Variants in DISC1 observed in about 807,000 individuals in gnomAD.
DISC1 encodes DISC1 scaffold protein.
In DISC1, 57 loss-of-function variants were observed where a neutral mutation model predicts 84.5. The observed-to-expected ratio is 0.67, with a 90% CI of 0.55 to 0.84. The LOEUF is 0.84. DISC1 is among the 40% of genes least tolerant of loss of function. The pLI is 0.00. For synonymous variants in DISC1, 411 were observed against 415.2 expected (o/e 0.99, Z 0.12); for missense variants, 1,000 against 1,057.8 (o/e 0.95, Z 0.76).
At chr1:231,650,512 A>G (rs1428049354) in intron 1 of DISC1, among the ~76,000 whole-genome samples, 2 of 151,900 alleles carry the variant, frequency 1.3e-5, no homozygotes, top group African/African-American at 4.8e-5. Context: ...CTTCATTTCA[A>G]CCTTGGTGAA....
intron 10 of DISC1, among the ~76,000 whole-genome samples, chr1:232,005,750 T>C (rs1204865792): frequency 2.6e-5 from 4 of 152,284 alleles, no homozygotes; most frequent in African/African-American, 9.6e-5. Flanking sequence ...GACAGAGAAC[T>C]GGAATATATA....
chr1:231,935,326 G>GGGGGCGT (rs1176917834), intron 9 of DISC1, among the ~76,000 whole-genome samples: 1 of 152,144 alleles, frequency 6.6e-6, no homozygotes, highest in Non-Finnish European at 1.5e-5. Flanking sequence ...ATTGGGTGTT[G>GGGGGCGT]GGGGCGTGGG....
At chr1:231,773,353 C>T (rs2076698731) in intron 6 of DISC1, among the ~76,000 whole-genome samples, 1 of 152,064 alleles carries the variant, frequency 6.6e-6, no homozygotes. Context: ...ACTGAGTAAT[C>T]TAGTGCTTTG....
At chr1:232,001,293 G>T (rs112562112) in intron 10 of DISC1, among the ~76,000 whole-genome samples, 55 of 152,162 alleles carry the variant, frequency 3.6e-4, no homozygotes, top group African/African-American at 1.1e-3. Flanking sequence ...TGGTCAGGCT[G>T]GTCTCCAACT....
intron 9 of DISC1, among the ~76,000 whole-genome samples, chr1:231,825,716 T>G (rs1202838535): frequency 6.6e-6 from 1 of 152,134 alleles, no homozygotes; most frequent in Non-Finnish European, 1.5e-5. Flanking sequence ...CCACCCTCAG[T>G]TAACTGCATA....
In DISC1 at chr1:231,723,301, G is replaced by T. The variant is rs1340282407; in HGVS notation, c.1117+21277G>T. The T allele has an allele frequency of 5.1e-6, 5 of 986,152 alleles. No individual in the cohort carries two copies. In the African/African-American group the frequency reaches 8.7e-5, roughly 17 times the overall value. The allele number at this position is 986,152 out of a possible 1,614,324, so 61.1% of individuals were successfully genotyped here. A position where few individuals can be genotyped will look rare whatever the true frequency, so the allele number is the denominator to read the frequency against. On this transcript the variant is annotated intron_variant, in intron 3 of 12. Transcript: ENST00000439617. ...ACATGTTAAAACCCGTGTTGTTCAAGGGTCAACCATAACTGCAGGCAGAAC... is the reference window on the plus strand; with the variant it reads ...ACATGTTAAAACCCGTGTTGTTCAATGGTCAACCATAACTGCAGGCAGAAC...
chr1:231,705,866 G>A (rs1453635067), intron 3 of DISC1, among the ~76,000 whole-genome samples: 5 of 152,176 alleles, frequency 3.3e-5, no homozygotes, highest in South Asian at 2.1e-4. Flanking sequence ...GGGGTCTGCC[G>A]GAATCTGAGA....
intron 11 of DISC1, among the ~76,000 whole-genome samples, chr1:232,022,911 T>G (rs1669100498): frequency 6.6e-6 from 1 of 152,184 alleles, no homozygotes; most frequent in African/African-American, 2.4e-5. Context: ...CTGTAACTTG[T>G]GCCTTGGAAA....
intron 9 of DISC1, among the ~76,000 whole-genome samples, chr1:231,938,910 A>G (rs1239366477): frequency 2.0e-5 from 3 of 152,180 alleles, no homozygotes; most frequent in African/African-American, 7.2e-5. Context: ...TGACAAAACC[A>G]GAAACCTTGA....
intron 5 of DISC1, among the ~76,000 whole-genome samples, chr1:231,769,481 C>T (rs1285703631): frequency 6.6e-6 from 1 of 152,194 alleles, no homozygotes; most frequent in African/African-American, 2.4e-5. Context: ...ACCTTGAGGA[C>T]ATTATGCTAA....
rs180812329 is a variant in DISC1 at position 232,026,397 on chromosome 1, G to A, written c.2308-38G>A. 1,107 of 1,404,416 alleles carry A rather than the reference G, an allele frequency of 7.9e-4. 1 individual carries two copies. Among genetic ancestry groups the A allele is most frequent in the Non-Finnish European group, 1.0e-3 (1,048 of 1,010,064 alleles). 87.0% of individuals were successfully genotyped at this position (1,404,416 alleles called of 1,614,324 possible). On this transcript the variant is annotated intron_variant, in intron 11 of 12. Coordinates refer to ENST00000439617, the MANE Select transcript of DISC1 (RefSeq NM_018662.3). ...CCCTTTGTGTTCTGTCTGTGTCCAC[G>A]GCACTAACAAGTGATCTTGTTTTCC...
chr1:231,854,744 G>A (rs1466669058), intron 9 of DISC1: 7 of 152,656 alleles, frequency 4.6e-5, no homozygotes, highest in Non-Finnish European at 9.9e-5. Flanking sequence ...TTGAGATGGA[G>A]TCTCACTCTG....
intron 9 of DISC1, among the ~76,000 whole-genome samples, chr1:231,935,291 T>C (rs1407019980): frequency 1.3e-5 from 2 of 152,114 alleles, no homozygotes; most frequent in South Asian, 2.1e-4. Context: ...ATCTCATATA[T>C]ACAAAGGAAG....
chr1:231,853,314 G>A (rs74144146), intron 9 of DISC1, among the ~76,000 whole-genome samples: 6,778 of 152,250 alleles, frequency 0.045, 499 homozygotes, highest in African/African-American at 0.15. Flanking sequence ...TTTTGCCATT[G>A]TGTGAACGTC....
At position 232,038,979 on chromosome 1, in the gene DISC1, A is replaced by G. The variant is rs1243782996; in HGVS notation, c.*2148A>G. The stretch of plus-strand genomic sequence containing the variant: ...TTAAGCCAGCAATTGGCTGGGGTCC[A>G]GGAAACAAAGCAAAAGCACAATATG... On this transcript the variant is annotated 3_prime_UTR_variant, in exon 13 of 13. Coordinates refer to ENST00000439617, the MANE Select transcript of DISC1 (RefSeq NM_018662.3). 1.3e-5 allele frequency: 2 copies of G among 152,272 alleles called. No homozygotes were observed. Among genetic ancestry groups the G allele is most frequent in the African/African-American group, 4.8e-5 (2 of 41,472 alleles). The allele number at this position is 152,272 out of a possible 1,614,324, so 9.4% of individuals were successfully genotyped here.
At chr1:231,874,522 T>A (rs1053333476) in intron 9 of DISC1, among the ~76,000 whole-genome samples, 7 of 152,162 alleles carry the variant, frequency 4.6e-5, no homozygotes, top group Admixed American at 4.6e-4. Context: ...CTCACTCTCA[T>A]TGATTTTTGT....
chr1:231,726,322 G>T (rs1326226860), intron 3 of DISC1, among the ~76,000 whole-genome samples: 1 of 152,162 alleles, frequency 6.6e-6, no homozygotes, highest in East Asian at 1.9e-4. Flanking sequence ...AACAAGAATT[G>T]CCCATGCAGC....
intron 9 of DISC1, among the ~76,000 whole-genome samples, chr1:231,909,680 G>T (rs140463745): frequency 0.043 from 6,605 of 152,288 alleles, 218 homozygotes; most frequent in Non-Finnish European, 0.068. Context: ...GATGATGCTG[G>T]CCTCATAAAA....
chr1:231,735,271 G>T (rs1304407437), intron 3 of DISC1, among the ~76,000 whole-genome samples: 1 of 152,010 alleles, frequency 6.6e-6, no homozygotes, highest in Non-Finnish European at 1.5e-5. Context: ...TTTCCTAATT[G>T]TTCATTGACT....
Sources: gnomAD v4.1 joint callset for allele counts (sites outside exome capture counted in the v4.1 genomes callset) on GRCh38, gnomAD v4.1.1 for gene constraint, MANE v1.5 for transcripts, NCBI Gene and HGNC (gene_info 2026-07-23, HGNC 2026-07-21) for gene names.